TRMT9B: variants seen among roughly 807,000 people sequenced by gnomAD.
TRMT9B encodes probable tRNA methyltransferase 9B.
In TRMT9B, 16 loss-of-function variants were observed where a neutral mutation model predicts 11.5. The observed-to-expected ratio is 1.39, with a 90% confidence interval of 0.94 to 2.11. The LOEUF is 2.11. TRMT9B is among the 30% of genes most tolerant of loss of function. The pLI is 0.00. For missense variants in TRMT9B, 941 were observed against 553.8 expected (o/e 1.70, Z -7.02); for synonymous variants, 274 against 192.4 (o/e 1.42, Z -3.51).
chr8:12,987,757 C>T (rs1047529155), intron 1 of TRMT9B, among the ~76,000 whole-genome samples: 3 of 152,114 alleles, frequency 2.0e-5, no homozygotes. Flanking sequence ...CCTAGCCTAC[C>T]TTAAACGTGC....
At chr8:12,975,010 A>G (rs967180706) in intron 1 of TRMT9B, among the ~76,000 whole-genome samples, 3 of 151,954 alleles carry the variant, frequency 2.0e-5, no homozygotes, top group Admixed American at 6.6e-5. Flanking sequence ...GTCTGTGGTC[A>G]TACATAAGCA....
chr8:12,977,035 C>G (rs1251674370), intron 1 of TRMT9B, among the ~76,000 whole-genome samples: 1 of 152,198 alleles, frequency 6.6e-6, no homozygotes, highest in Non-Finnish European at 1.5e-5. Flanking sequence ...CCTGGAGGTG[C>G]TGCTAGCAGA....
chr8:12,960,295 T>A (rs959150244), intron 1 of TRMT9B: 6 of 152,162 alleles, frequency 3.9e-5, no homozygotes, highest in Non-Finnish European at 8.8e-5. Flanking sequence ...GTAACCAAGC[T>A]TAAGAAAATA....
chr8:12,952,911 T>C (rs1192089766), intron 1 of TRMT9B, among the ~76,000 whole-genome samples: 2 of 152,172 alleles, frequency 1.3e-5, no homozygotes, highest in Non-Finnish European at 1.5e-5. Context: ...GGCTAATTTT[T>C]GTATTTTTAC....
intron 1 of TRMT9B, among the ~76,000 whole-genome samples, chr8:12,965,840 C>G (rs942680522): frequency 1.3e-5 from 2 of 151,696 alleles, no homozygotes. Context: ...TGGCAAAACC[C>G]CATCTCTACT....
chr8:13,015,535 T>C (rs1248096782), intron 4 of TRMT9B, among the ~76,000 whole-genome samples: 1 of 149,178 alleles, frequency 6.7e-6, no homozygotes, highest in Non-Finnish European at 1.5e-5. Flanking sequence ...CTAATTTTTT[T>C]TGTAGAGATG....
intron 2 of TRMT9B, among the ~76,000 whole-genome samples, chr8:12,991,923 C>G (rs1807409601): frequency 6.6e-6 from 1 of 152,262 alleles, no homozygotes; most frequent in East Asian, 1.9e-4. Flanking sequence ...AAGAGCAAGA[C>G]TCTGTCTCAA....
intron 1 of TRMT9B, among the ~76,000 whole-genome samples, chr8:12,978,162 T>A (rs2128871683): frequency 6.6e-6 from 1 of 152,298 alleles, no homozygotes; most frequent in African/African-American, 2.4e-5. Context: ...AATATAGGCC[T>A]CCTGAGCAAA....
intron 3 of TRMT9B, chr8:13,007,234 T>C (rs1810648421): frequency 6.6e-6 from 1 of 152,230 alleles, no homozygotes; most frequent in South Asian, 2.1e-4. Context: ...CCTTTAATTA[T>C]TCTATAGGTG....
chr8:12,954,556 A>G (rs1391094292), intron 1 of TRMT9B, among the ~76,000 whole-genome samples: 2 of 152,252 alleles, frequency 1.3e-5, no homozygotes, highest in Non-Finnish European at 2.9e-5. Flanking sequence ...TATTGAAATT[A>G]GGCTGTCAGC....
At chr8:13,019,655 T>C (rs1012105123) in intron 4 of TRMT9B, among the ~76,000 whole-genome samples, 1 of 152,112 alleles carries the variant, frequency 6.6e-6, no homozygotes. Flanking sequence ...GTGGATTGAG[T>C]CTTTCTCAGT....
intron 1 of TRMT9B, among the ~76,000 whole-genome samples, chr8:12,950,292 C>G (rs535753446): frequency 3.9e-5 from 6 of 152,206 alleles, no homozygotes; most frequent in Non-Finnish European, 5.9e-5. Flanking sequence ...TTATCACAGT[C>G]TTTCAATCAC....
chr8:12,948,666 GA>G (rs998706702), intron 1 of TRMT9B, among the ~76,000 whole-genome samples: 8 of 151,720 alleles, frequency 5.3e-5, no homozygotes, highest in East Asian at 1.9e-4. Context: ...TGTAACATTA[GA>G]AAAAAACAGA....
rs374565984 is a variant in TRMT9B, at chr8:13,021,784, A to G, written c.1105A>G (p.Asn369Asp). 8.1e-6 allele frequency: 13 copies of G among 1,613,802 alleles called. No individual in the cohort carries two copies. Among genetic ancestry groups the G allele is most frequent in the Non-Finnish European group, 1.1e-5 (13 of 1,179,884 alleles). The change falls in exon 5 of 5, where the codon AAT becomes GAT. Residue 369 changes from asparagine (N) to aspartate (D), a missense_variant. Physicochemically the swap from Asn to Asp is conservative, Grantham distance 23 (BLOSUM62 1). Transcript: ENST00000524591. The stretch of plus-strand genomic sequence containing the variant: ...GGATGCAGGCAACATAGAAGATGAT[A>G]ATCCTTCTGCTAGTAAAATATTGAG... Reference protein sequence around the residue: ...CVDAGNIEDDNPSASKILRRI... With the variant: ...CVDAGNIEDDDPSASKILRRI...
chr8:13,008,610 C>G (rs751017941), intron 3 of TRMT9B, among the ~76,000 whole-genome samples: 6 of 152,108 alleles, frequency 3.9e-5, no homozygotes, highest in Non-Finnish European at 8.8e-5. Flanking sequence ...ATAACTTTGA[C>G]CCTATAAAAA....
intron 1 of TRMT9B, among the ~76,000 whole-genome samples, chr8:12,946,208 C>T (rs796073368): frequency 7.9e-5 from 12 of 152,162 alleles, no homozygotes; most frequent in African/African-American, 2.9e-4. Flanking sequence ...ATTCTTAGGA[C>T]AGAAAGATTA....
In TRMT9B at chr8:12,961,455, A is replaced by C. The variant is rs561010800; in HGVS notation, c.-200+15489A>C. ...GGTGGCTCACGCCTGTAATCCCAGC[A>C]CTTTGGGAGGCCGAGGTGGGCGGAT... On this transcript the variant is annotated intron_variant, in intron 1 of 4. Coordinates refer to ENST00000524591, the MANE Select transcript of TRMT9B (RefSeq NM_020844.3). 8.5e-5 allele frequency among the ~76,000 whole-genome samples: 13 copies of C among 152,106 alleles called. No individual in the cohort carries two copies. In the South Asian group the frequency reaches 2.7e-3, roughly 32 times the overall value.
intron 2 of TRMT9B, among the ~76,000 whole-genome samples, chr8:13,005,139 C>A (rs555900090): frequency 1.3e-4 from 19 of 149,782 alleles, no homozygotes; most frequent in African/African-American, 3.7e-4. Flanking sequence ...TTCGCAATAA[C>A]ATGGATGGAT....
intron 1 of TRMT9B, among the ~76,000 whole-genome samples, chr8:12,968,188 T>C (rs1280296728): frequency 2.0e-5 from 3 of 152,226 alleles, no homozygotes; most frequent in Non-Finnish European, 4.4e-5. Context: ...TGGCCAAAAG[T>C]GCTATTTTAA....
Sources: allele counts gnomAD v4.1 joint callset (sites outside exome capture counted in the v4.1 genomes callset), GRCh38; gene constraint gnomAD v4.1.1; transcripts MANE v1.5; gene names NCBI Gene and HGNC (gene_info 2026-07-23, HGNC 2026-07-21).